Variants in DOCK9 observed in about 807,000 individuals in gnomAD.
The protein encoded by DOCK9 is dedicator of cytokinesis 9.
DOCK9 carries 89 observed loss-of-function variants against 263.3 expected under a neutral mutation model. That is an observed-to-expected ratio of 0.34 (90% CI 0.28 to 0.40). The LOEUF is 0.40. Ranked by LOEUF, DOCK9 falls within the 10% of genes least tolerant of loss-of-function variation. The pLI is 1.00. For missense variants in DOCK9, 2,140 were observed against 2,603.4 expected (o/e 0.82, Z 3.87); for synonymous variants, 976 against 973.1 (o/e 1.00, Z -0.06).
intron 1 of DOCK9, among the ~76,000 whole-genome samples, chr13:99,004,816 C>T: frequency 6.9e-6 from 1 of 145,182 alleles, no homozygotes; most frequent in Non-Finnish European, 1.6e-5. Context: ...CACACACACA[C>T]ACACAGTCAC....
At chr13:98,810,362 ATGCTAAG>A (rs1312008694) in intron 45 of DOCK9, 71 bp from the exon 46 acceptor site, 1 of 1,585,722 alleles carries the variant, frequency 6.3e-7, no homozygotes, top group Non-Finnish European at 8.6e-7. Flanking sequence ...CCGTTGCAGA[ATGCTAAG>A]TGCTAAGACT....
chr13:98,945,115 G>T (rs1056958314), intron 2 of DOCK9, among the ~76,000 whole-genome samples: 2 of 152,176 alleles, frequency 1.3e-5, no homozygotes, highest in Admixed American at 1.3e-4. Context: ...TAATAAGAAA[G>T]CTTATAACAT....
intron 38 of DOCK9, chr13:98,845,488 GA>G: frequency 1.8e-6 from 1 of 570,604 alleles, no homozygotes; most frequent in Non-Finnish European, 2.7e-6. Context: ...TTCAGAGCTG[GA>G]ATGTCAGAAT....
intron 50 of DOCK9, among the ~76,000 whole-genome samples, chr13:98,798,425 G>A (rs1405185552): frequency 1.3e-5 from 2 of 152,216 alleles, no homozygotes; most frequent in Non-Finnish European, 2.9e-5. Context: ...TGGTCAGAGG[G>A]GGACCTCTGA....
intron 1 of DOCK9, among the ~76,000 whole-genome samples, chr13:98,974,149 C>A: frequency 6.6e-6 from 1 of 151,730 alleles, no homozygotes; most frequent in East Asian, 1.9e-4. Flanking sequence ...CCAGGAATTA[C>A]GTTAGAGTTT....
chr13:99,062,839 C>G (rs796956582), intron 1 of DOCK9, among the ~76,000 whole-genome samples: 1 of 152,196 alleles, frequency 6.6e-6, no homozygotes. Context: ...AGCCCAGGAC[C>G]GCGCCAGTTC....
chr13:99,079,703 G>C (rs888676579), intron 1 of DOCK9, among the ~76,000 whole-genome samples: 3 of 152,198 alleles, frequency 2.0e-5, no homozygotes, highest in African/African-American at 7.2e-5. Context: ...CACCTCCAAA[G>C]CCCAGGTCCA....
chr13:98,903,143 G>GAGCATAACTTAT, intron 10 of DOCK9, 31 bp from the exon 11 acceptor site: 1 of 1,452,436 alleles, frequency 6.9e-7, no homozygotes, highest in Non-Finnish European at 9.1e-7. Context: ...ATATAAATAA[G>GAGCATAACTTAT]TTATGCTCTT....
chr13:98,983,396 G>C (rs1271818838), intron 1 of DOCK9, among the ~76,000 whole-genome samples: 1 of 152,130 alleles, frequency 6.6e-6, no homozygotes, highest in Non-Finnish European at 1.5e-5. Flanking sequence ...CAGCAAAACA[G>C]AGAGCAGAAC....
In DOCK9 at chr13:99,022,369, T is replaced by C. The variant is rs533188989; in HGVS notation, c.129+63854A>G. Reference sequence around the variant, plus strand: ...ATATTGGAGTCAGGTCTGTTGCTAATAGTGTTATTTAAATGTTCTCAAAAG... The same window carrying C: ...ATATTGGAGTCAGGTCTGTTGCTAACAGTGTTATTTAAATGTTCTCAAAAG... On this transcript the variant is annotated intron_variant, in intron 1 of 32. Transcript: ENST00000427887. 5.3e-5 allele frequency among the ~76,000 whole-genome samples: 8 copies of C among 152,342 alleles called. No individual in the cohort carries two copies. The South Asian group carries it at 1.7e-3, about 32-fold the overall frequency.
chr13:98,987,063 TCACCACCACCACCGC>T (rs1271049266), intron 1 of DOCK9, among the ~76,000 whole-genome samples: 1 of 151,930 alleles, frequency 6.6e-6, no homozygotes, highest in African/African-American at 2.4e-5. Context: ...ATCACCATCT[TCACCACCACCACCGC>T]CACCACCACC....
intron 1 of DOCK9, among the ~76,000 whole-genome samples, chr13:99,044,086 C>T (rs1264118943): frequency 6.6e-6 from 1 of 152,196 alleles, no homozygotes; most frequent in East Asian, 1.9e-4. Flanking sequence ...AAGTTATCTG[C>T]TAACAATAGC....
chr13:99,029,268 C>T (rs1887088737), intron 1 of DOCK9, among the ~76,000 whole-genome samples: 1 of 152,182 alleles, frequency 6.6e-6, no homozygotes, highest in Admixed American at 6.5e-5. Flanking sequence ...TGGGGCCTCT[C>T]CTCTAAGCTT....
At chr13:98,821,162 C>T (rs2092250539) in intron 45 of DOCK9, among the ~76,000 whole-genome samples, 1 of 152,178 alleles carries the variant, frequency 6.6e-6, no homozygotes, top group South Asian at 2.1e-4. Flanking sequence ...CTCCTGGGCT[C>T]TGCTCTGAGA....
intron 30 of DOCK9, among the ~76,000 whole-genome samples, chr13:98,865,050 A>C (rs78085997): frequency 0.032 from 4,864 of 152,208 alleles, 256 homozygotes; most frequent in African/African-American, 0.11. Flanking sequence ...GAGCCAAAAT[A>C]AATGTCTTTT....
intron 27 of DOCK9, 39 bp from the exon 28 acceptor site, chr13:98,868,416 G>A: frequency 1.3e-6 from 2 of 1,568,062 alleles, no homozygotes; most frequent in Non-Finnish European, 1.7e-6. Context: ...TATTTATTAA[G>A]TTGCAATCAT....
intron 9 of DOCK9, among the ~76,000 whole-genome samples, chr13:98,905,945 G>A (rs1345232059): frequency 6.6e-6 from 1 of 152,090 alleles, no homozygotes; most frequent in Non-Finnish European, 1.5e-5. Flanking sequence ...GTCTTTCTTG[G>A]GTTATCACAC....
At chr13:98,806,251 A>G (rs1441861895) in intron 48 of DOCK9, among the ~76,000 whole-genome samples, 3 of 152,274 alleles carry the variant, frequency 2.0e-5, no homozygotes, top group Admixed American at 1.3e-4. Flanking sequence ...ATCTAATGAT[A>G]AATTTAGTTT....
chr13:98,963,968 C>T (rs1222736924), intron 1 of DOCK9, among the ~76,000 whole-genome samples: 2 of 152,198 alleles, frequency 1.3e-5, no homozygotes, highest in South Asian at 4.1e-4. Flanking sequence ...CCTCATTTTC[C>T]TATAAGTAGG....
Sources: allele counts gnomAD v4.1 joint callset (sites outside exome capture counted in the v4.1 genomes callset), GRCh38; gene constraint gnomAD v4.1.1; transcripts MANE v1.5; gene names NCBI Gene and HGNC (gene_info 2026-07-23, HGNC 2026-07-21).